The following ZHX2 variants were observed in gnomAD, a reference collection of about 807,000 sequenced individuals.
The protein encoded by ZHX2 is zinc fingers and homeoboxes protein 2.
ZHX2 carries 6 observed loss-of-function variants against 21.9 expected under a neutral mutation model. The observed-to-expected ratio is 0.27, with a 90% CI of 0.15 to 0.54. The LOEUF is 0.54. Ranked by LOEUF, ZHX2 falls within the 20% of genes least tolerant of loss-of-function variation. The pLI, the probability that ZHX2 is intolerant of heterozygous loss-of-function variation, is 0.95. For missense variants in ZHX2, 908 were observed against 1,090.7 expected, an observed-to-expected ratio of 0.83 and a Z score of 2.36; for synonymous variants, 434 against 437.1, an observed-to-expected ratio of 0.99 and a Z score of 0.09.
rs112835929 is a variant in ZHX2, at chr8:122,899,611, G to T, written c.-220+36072G>T. ...GATCTTTACCCCAAAGAGAAATGCC[G>T]TCATGAGTTTTTTGCTGCATTTGTC... On this transcript the variant is annotated intron_variant, in intron 2 of 3. Transcript: ENST00000314393. Among the ~76,000 whole-genome samples, 952 of 152,174 alleles carry T rather than the reference G, an allele frequency of 6.3e-3. 7 individuals carry two copies. Among genetic ancestry groups the T allele is most frequent in the Non-Finnish European group, 9.2e-3 (623 of 68,024 alleles).
intron 1 of ZHX2, among the ~76,000 whole-genome samples, chr8:122,860,477 A>C (rs1313766068): frequency 6.6e-6 from 1 of 152,250 alleles, no homozygotes; most frequent in Non-Finnish European, 1.5e-5. Context: ...TGCAGCACAC[A>C]ATTCACAATT....
intron 2 of ZHX2, among the ~76,000 whole-genome samples, chr8:122,871,569 C>G (rs1340379467): frequency 6.7e-6 from 1 of 150,170 alleles, no homozygotes; most frequent in Non-Finnish European, 1.5e-5. Flanking sequence ...AGGAGATATA[C>G]CTAATGTAAA....
Position 122,831,223 on chromosome 8 carries a change from G to T in ZHX2, c.-282-32254G>T, listed in dbSNP as rs548551381. Reference sequence around the variant, plus strand: ...GCCGTTTATCGGGCGGCATGTGAGCGAAGTCTACCTGCCAATCTTGCCCAG... The same window carrying T: ...GCCGTTTATCGGGCGGCATGTGAGCTAAGTCTACCTGCCAATCTTGCCCAG... On this transcript the variant is annotated intron_variant, in intron 1 of 3. Coordinates refer to ENST00000314393, the MANE Select transcript of ZHX2 (RefSeq NM_014943.5). Among the ~76,000 whole-genome samples, 3 of 152,302 alleles carry T rather than the reference G, an allele frequency of 2.0e-5. No homozygotes were observed. In the South Asian group the frequency reaches 6.2e-4, roughly 32 times the overall value.
chr8:122,866,090 T>A (rs1819288182), intron 2 of ZHX2, among the ~76,000 whole-genome samples: 1 of 152,232 alleles, frequency 6.6e-6, no homozygotes, highest in Admixed American at 6.5e-5. Context: ...GGGGACACCC[T>A]TACTATCCTC....
At chr8:122,823,394 A>T (rs1160254283) in intron 1 of ZHX2, among the ~76,000 whole-genome samples, 2 of 152,200 alleles carry the variant, frequency 1.3e-5, no homozygotes, top group African/African-American at 4.8e-5. Flanking sequence ...ATCTTCATGA[A>T]CCCTGCAGAA....
chr8:122,902,411 A>G (rs1820254609), intron 2 of ZHX2, among the ~76,000 whole-genome samples: 3 of 152,250 alleles, frequency 2.0e-5, no homozygotes, highest in South Asian at 4.1e-4. Flanking sequence ...AGCAAGTTGC[A>G]TGACCTCTCT....
At chr8:122,931,404 A>G (rs116090257) in intron 2 of ZHX2, among the ~76,000 whole-genome samples, 4,909 of 151,642 alleles carry the variant, frequency 0.032, 238 homozygotes, top group African/African-American at 0.11. Flanking sequence ...GGACGGAAAG[A>G]AGAGAGAGAG....
intron 1 of ZHX2, among the ~76,000 whole-genome samples, chr8:122,845,085 CACAG>C (rs778645050): frequency 3.4e-4 from 51 of 152,196 alleles, no homozygotes; most frequent in Non-Finnish European, 5.6e-4. Context: ...GGGCTACAAA[CACAG>C]ACAGACAAAG....
chr8:122,870,400 G>T (rs1819401802), intron 2 of ZHX2, among the ~76,000 whole-genome samples: 1 of 151,738 alleles, frequency 6.6e-6, no homozygotes, highest in South Asian at 2.1e-4. Flanking sequence ...GAGGCCAAGG[G>T]GGGTGGATCA....
chr8:122,880,946 G>A (rs545036025), intron 2 of ZHX2, among the ~76,000 whole-genome samples: 50 of 152,206 alleles, frequency 3.3e-4, no homozygotes, highest in African/African-American at 1.1e-3. Flanking sequence ...CTGATTTCAT[G>A]TCCCAAGAAA....
chr8:122,921,639 C>G (rs1275261533), intron 2 of ZHX2, among the ~76,000 whole-genome samples: 1 of 150,854 alleles, frequency 6.6e-6, no homozygotes, highest in African/African-American at 2.4e-5. Flanking sequence ...CAGGGAGACC[C>G]CATCAAGAAA....
At chr8:122,895,887 G>A (rs549919615) in intron 2 of ZHX2, among the ~76,000 whole-genome samples, 55 of 151,996 alleles carry the variant, frequency 3.6e-4, no homozygotes, top group Admixed American at 7.2e-4. Context: ...CCTTCCCAAA[G>A]AATAAGCTTT....
chr8:122,947,279 A>AG (rs1813001819), intron 2 of ZHX2, among the ~76,000 whole-genome samples: 1 of 150,584 alleles, frequency 6.6e-6, no homozygotes, highest in Admixed American at 6.6e-5. Context: ...AAAAAAAAAA[A>AG]CCTTTCTGCC....
chr8:122,791,513 C>A (rs1817518272), intron 1 of ZHX2, among the ~76,000 whole-genome samples: 2 of 152,172 alleles, frequency 1.3e-5, no homozygotes, highest in South Asian at 4.1e-4. Flanking sequence ...TTTAGACAAC[C>A]TTTAAGTCCT....
chr8:122,807,850 A>AC (rs1563737184), intron 1 of ZHX2: 1 of 152,100 alleles, frequency 6.6e-6, no homozygotes, highest in Non-Finnish European at 1.5e-5. Flanking sequence ...TAAGTGGAAG[A>AC]CCCCTAACTC....
At chr8:122,869,495 C>T (rs1379371497) in intron 2 of ZHX2, among the ~76,000 whole-genome samples, 2 of 152,150 alleles carry the variant, frequency 1.3e-5, no homozygotes, top group Middle Eastern at 3.2e-3. Context: ...ACTCTTCCCG[C>T]CTGAGGATGG....
intron 2 of ZHX2, among the ~76,000 whole-genome samples, chr8:122,920,045 AGGC>A (rs1385809799): frequency 6.6e-6 from 1 of 152,154 alleles, no homozygotes; most frequent in Non-Finnish European, 1.5e-5. Context: ...AGGCTGAGGC[AGGC>A]GGGTCATCTG....
intron 2 of ZHX2, among the ~76,000 whole-genome samples, chr8:122,901,277 C>T (rs1452954428): frequency 6.6e-6 from 1 of 152,162 alleles, no homozygotes; most frequent in Non-Finnish European, 1.5e-5. Flanking sequence ...ACTACCCAAC[C>T]TACCTCCCCT....
chr8:122,848,956 G>GT (rs1309458951), intron 1 of ZHX2, among the ~76,000 whole-genome samples: 6 of 152,318 alleles, frequency 3.9e-5, no homozygotes, highest in African/African-American at 1.4e-4. Context: ...ACTGAAACCT[G>GT]TTTACCGAGG....
Sources: gnomAD v4.1 joint callset for allele counts (sites outside exome capture counted in the v4.1 genomes callset) on GRCh38, gnomAD v4.1.1 for gene constraint, MANE v1.5 for transcripts, NCBI Gene and HGNC (gene_info 2026-07-23, HGNC 2026-07-21) for gene names.